The following WFDC1 variants were observed in gnomAD, a reference collection of about 807,000 sequenced individuals.
The protein encoded by WFDC1 is WAP four-disulfide core domain protein 1.
A neutral mutation model predicts 32.9 loss-of-function variants in WFDC1; 39 were observed. That is an observed-to-expected ratio of 1.19 (90% CI 0.92 to 1.55). The LOEUF (loss-of-function observed/expected upper bound fraction) is 1.55. WFDC1 is among the 40% of genes most tolerant of loss of function. The probability of loss-of-function intolerance (pLI) is 0.00; values close to 1 mark genes in which losing one functional copy is unlikely to be tolerated. For missense variants in WFDC1, 386 were observed against 309.5 expected (o/e 1.25, Z -1.85); for synonymous variants, 184 against 137.4 (o/e 1.34, Z -2.37).
Position 84,313,112 on chromosome 16 carries a change from G to A in WFDC1, c.296G>A (p.Gly99Glu). ...CGGCACCGGCGCTGCTGCTACAACG[G>A]ATGCGCCTACGCCTGCCTAGAAGCT... ...CPRHRRCCYN[G>E]CAYACLEAVP... The change falls in exon 2 of 7, where the codon GGA becomes GAA. Residue 99 changes from glycine to glutamate, a missense_variant. Coordinates refer to ENST00000219454, the MANE Select transcript of WFDC1 (RefSeq NM_021197.4). The A allele has an allele frequency of 6.9e-7, 1 of 1,442,612 alleles. No individual in the cohort carries two copies. Among genetic ancestry groups the A allele is most frequent in the Non-Finnish European group, 9.0e-7 (1 of 1,105,196 alleles). The allele number at this position is 1,442,612 out of a possible 1,614,324, so 89.4% of individuals were successfully genotyped here. A position where few individuals can be genotyped will look rare whatever the true frequency, so the allele number is the denominator to read the frequency against.
intron 1 of WFDC1, among the ~76,000 whole-genome samples, chr16:84,305,924 G>A (rs1907222344): frequency 1.3e-5 from 2 of 152,094 alleles, no homozygotes; most frequent in East Asian, 3.9e-4. Context: ...AACTGGTTGA[G>A]TCTGGGAGGC....
chr16:84,315,269 GCC>G (rs770252128), intron 2 of WFDC1, among the ~76,000 whole-genome samples: 1 of 152,120 alleles, frequency 6.6e-6, no homozygotes, highest in African/African-American at 2.4e-5. Context: ...CTCAATGACA[GCC>G]CCTCCTTGGC....
Position 84,313,129 on chromosome 16 carries a change from CT to C in WFDC1, c.314del (p.Leu105GlnfsTer10). 6.9e-7 allele frequency: 1 copy of C among 1,444,856 alleles called. No individual in the cohort carries two copies. Among genetic ancestry groups the C allele is most frequent in the Non-Finnish European group, 9.0e-7 (1 of 1,107,998 alleles). 89.5% of individuals were successfully genotyped at this position (1,444,856 alleles called of 1,614,324 possible). A position where few individuals can be genotyped will look rare whatever the true frequency, so the allele number is the denominator to read the frequency against. On this transcript the variant is annotated frameshift_variant, in exon 2 of 7. Transcript: ENST00000219454. LOFTEE classifies it high-confidence loss of function. Reference sequence around the variant, plus strand: ...CTACAACGGATGCGCCTACGCCTGCCTAGAAGCTGTGCCGCCCCCGCCAGGT... The same window carrying C: ...CTACAACGGATGCGCCTACGCCTGCCAGAAGCTGTGCCGCCCCCGCCAGGT... ...CCYNGCAYACLEAVPPPPVLD... is the reference protein window; with the variant it reads ...CCYNGCAYACXEAVPPPPVLD...
chr16:84,318,947 CAA>C (rs1156716468), intron 3 of WFDC1: 10 of 193,216 alleles, frequency 5.2e-5, no homozygotes, highest in Non-Finnish European at 8.6e-5. Context: ...TGTGTGCATG[CAA>C]AAGTGTGTGA....
At chr16:84,303,465 A>T (rs1907067023) in intron 1 of WFDC1, among the ~76,000 whole-genome samples, 1 of 147,724 alleles carries the variant, frequency 6.8e-6, no homozygotes, top group African/African-American at 2.5e-5. Context: ...TATTAAAAGA[A>T]TGATGTTTAC....
intron 1 of WFDC1, among the ~76,000 whole-genome samples, chr16:84,300,278 G>C (rs139508287): frequency 1.3e-5 from 2 of 152,266 alleles, no homozygotes; most frequent in Non-Finnish European, 2.9e-5. Flanking sequence ...GCTGGAGCCC[G>C]ATGGCCCAGC....
chr16:84,319,567 A>G lies in WFDC1; in HGVS notation c.558A>G (p.Gln186=), dbSNP rs752525987. 5 of 1,612,122 alleles carry G rather than the reference A, an allele frequency of 3.1e-6. No homozygotes were observed. In the Admixed American group the frequency reaches 8.3e-5, roughly 27 times the overall value. The change falls in exon 4 of 7, where the codon CAA becomes CAG. Residue 186 remains glutamine, a synonymous_variant. Transcript: ENST00000219454. ...GGCAGTGCGTCAAGCAGCGCCGGCA[A>G]GCAGGTGAGTGTGGCACCCCAGCCC... ...NRGQCVKQRR[Q]ADGRILRHKL...
At chr16:84,321,149 T>G (rs1446231440) in intron 4 of WFDC1, among the ~76,000 whole-genome samples, 1 of 152,248 alleles carries the variant, frequency 6.6e-6, no homozygotes, top group Non-Finnish European at 1.5e-5. Flanking sequence ...AGCCCCTTAC[T>G]GCTGTGGGCA....
At chr16:84,319,218 G>A (rs1343003642) in intron 3 of WFDC1, 1 of 588,136 alleles carries the variant, frequency 1.7e-6, no homozygotes, top group Admixed American at 3.2e-5. Context: ...GACTGCCTGT[G>A]TTTGTGTGCG....
At chr16:84,302,874 G>A (rs76751001) in intron 1 of WFDC1, among the ~76,000 whole-genome samples, 10,618 of 152,078 alleles carry the variant, frequency 0.07, 1,165 homozygotes, top group African/African-American at 0.23. Flanking sequence ...TGAATTTACT[G>A]TTGAATGAAT....
chr16:84,328,280 C>A (rs923693640), intron 6 of WFDC1: 3 of 152,248 alleles, frequency 2.0e-5, no homozygotes, highest in African/African-American at 7.2e-5. Context: ...CACAGGCTTG[C>A]CCTCACGTGC....
intron 4 of WFDC1, 80 bp downstream of exon 4, chr16:84,319,651 C>T (rs1203416330): frequency 8.4e-6 from 13 of 1,541,990 alleles, no homozygotes; most frequent in Middle Eastern, 2.2e-4. Context: ...CCCGCATGGA[C>T]GACCTGCCCC....
At chr16:84,323,305 G>A (rs961023129) in intron 4 of WFDC1, among the ~76,000 whole-genome samples, 5 of 152,318 alleles carry the variant, frequency 3.3e-5, no homozygotes, top group Middle Eastern at 3.4e-3. Context: ...TGGCTACCGC[G>A]CATATGTGCT....
chr16:84,314,768 A>G (rs945244760), intron 2 of WFDC1, among the ~76,000 whole-genome samples: 3 of 152,206 alleles, frequency 2.0e-5, no homozygotes, highest in Non-Finnish European at 4.4e-5. Flanking sequence ...GTGGACAAGC[A>G]CATAAAGGCA....
At chr16:84,321,158 C>A (rs1044289086) in intron 4 of WFDC1, among the ~76,000 whole-genome samples, 3 of 152,224 alleles carry the variant, frequency 2.0e-5, no homozygotes, top group Admixed American at 6.5e-5. Flanking sequence ...CTGCTGTGGG[C>A]AGCAAATAAC....
At position 84,314,725 on chromosome 16, in the gene WFDC1, C is replaced by T. The variant is rs1004238057; in HGVS notation, c.337+1572C>T. Among the ~76,000 whole-genome samples the T allele has an allele frequency of 2.0e-4, 30 of 152,234 alleles. 1 individual carries two copies. The highest frequency in any genetic ancestry group is 6.8e-4 in the African/African-American group (28 of 41,456). ...CAGGCCAGGCAGCCTCCTACTCAGC[C>T]TTCATAAGAAAACCTAAATGTTGCC... On this transcript the variant is annotated intron_variant, in intron 2 of 6. Transcript: ENST00000219454.
In WFDC1 at chr16:84,319,463, G is replaced by C. The variant is rs565366662; in HGVS notation, c.454G>C (p.Glu152Gln). ...EACSTTEDGA[E>Q]PLLCPSGYEC... ...GTGCAGCACCACGGAGGATGGGGCC[G>C]AACCCCTGCTCTGTCCCTCGGGCTA... The change falls in exon 4 of 7, where the codon GAA becomes CAA. Residue 152 changes from glutamate (E) to glutamine (Q), a missense_variant. By Grantham distance (29) the Glu-to-Gln change is conservative. Transcript: ENST00000219454. The C allele has an allele frequency of 4.3e-6, 7 of 1,611,656 alleles. No individual in the cohort carries two copies. In the African/African-American group the frequency reaches 9.4e-5, roughly 22 times the overall value.
chr16:84,314,179 G>A (rs2151375961), intron 2 of WFDC1, among the ~76,000 whole-genome samples: 1 of 152,346 alleles, frequency 6.6e-6, no homozygotes, highest in South Asian at 2.1e-4. Flanking sequence ...CAACCTCTCG[G>A]GGAGAAACAA....
chr16:84,320,527 A>G (rs1908245763), intron 4 of WFDC1, among the ~76,000 whole-genome samples: 2 of 152,224 alleles, frequency 1.3e-5, no homozygotes, highest in South Asian at 4.1e-4. Context: ...TAATTTTCCC[A>G]AGAAAAGAAA....
Sources: gnomAD v4.1 joint callset for allele counts (sites outside exome capture counted in the v4.1 genomes callset) on GRCh38, gnomAD v4.1.1 for gene constraint, MANE v1.5 for transcripts, NCBI Gene and HGNC (gene_info 2026-07-23, HGNC 2026-07-21) for gene names.